The following FARS2 variants were observed in gnomAD, a reference collection of about 807,000 sequenced individuals.
FARS2 encodes phenylalanine--tRNA ligase, mitochondrial.
FARS2 carries 40 observed loss-of-function variants against 46.4 expected under a neutral mutation model. The ratio of observed to expected loss-of-function variants is 0.86; its 90% CI spans 0.67 to 1.12. FARS2 has a LOEUF of 1.12. Among genes scored for constraint, FARS2 ranks in the 50% most tolerant of loss-of-function variants. FARS2 has a pLI of 0.00. For missense variants in FARS2, 513 were observed against 567.9 expected (o/e 0.90, Z 0.98); for synonymous variants, 234 against 214.9 (o/e 1.09, Z -0.78).
At chr6:5,572,673 T>C (rs1358900493) in intron 5 of FARS2, among the ~76,000 whole-genome samples, 2 of 152,058 alleles carry the variant, frequency 1.3e-5, no homozygotes, top group East Asian at 3.9e-4. Context: ...CCATCTGACA[T>C]GAAATCCCCC....
At position 5,707,361 on chromosome 6, in the gene FARS2, T is replaced by G. The variant is rs114424003; in HGVS notation, c.1218-63930T>G. Reference sequence around the variant, plus strand: ...GGTACCAGGGCCTTTCACAAGCCGCTAAGCATCTGAAAACCTTGGTGCTAG... The same window carrying G: ...GGTACCAGGGCCTTTCACAAGCCGCGAAGCATCTGAAAACCTTGGTGCTAG... On this transcript the variant is annotated intron_variant, in intron 6 of 6. Coordinates refer to ENST00000274680, the MANE Select transcript of FARS2 (RefSeq NM_006567.5). Among the ~76,000 whole-genome samples, 275 of 152,348 alleles carry G rather than the reference T, an allele frequency of 1.8e-3. 2 individuals are homozygous for G. The highest frequency in any genetic ancestry group is 5.9e-3 in the African/African-American group (244 of 41,584).
At chr6:5,361,188 T>C (rs550326420) in intron 1 of FARS2, among the ~76,000 whole-genome samples, 1 of 152,330 alleles carries the variant, frequency 6.6e-6, no homozygotes, top group African/African-American at 2.4e-5. Context: ...GTACATACAA[T>C]TTTATATCCT....
intron 4 of FARS2, among the ~76,000 whole-genome samples, chr6:5,464,675 A>G (rs572786205): frequency 6.6e-6 from 1 of 152,254 alleles, no homozygotes; most frequent in East Asian, 1.9e-4. Context: ...GGGACCACAT[A>G]CAGTATTTTC....
intron 6 of FARS2, among the ~76,000 whole-genome samples, chr6:5,760,120 A>G (rs1265326849): frequency 1.3e-5 from 2 of 152,324 alleles, no homozygotes; most frequent in African/African-American, 4.8e-5. Context: ...TTGGAAATGT[A>G]TACAAATTTC....
chr6:5,708,923 C>T (rs181299976), intron 6 of FARS2, among the ~76,000 whole-genome samples: 6 of 152,242 alleles, frequency 3.9e-5, no homozygotes, highest in Non-Finnish European at 7.4e-5. Context: ...CTCAGCTTCC[C>T]AAATCAGAGA....
At chr6:5,749,892 G>A (rs546656441) in intron 6 of FARS2, among the ~76,000 whole-genome samples, 44 of 152,202 alleles carry the variant, frequency 2.9e-4, no homozygotes, top group Non-Finnish European at 5.4e-4. Context: ...CTGCCACGAA[G>A]GTGCTCCAGC....
At chr6:5,709,398 ATGGCTTTG>A (rs1758962409) in intron 6 of FARS2, among the ~76,000 whole-genome samples, 1 of 152,196 alleles carries the variant, frequency 6.6e-6, no homozygotes, top group Admixed American at 6.5e-5. Context: ...TCACTTGGTG[ATGGCTTTG>A]TGGTTCTTAC....
chr6:5,410,158 T>G (rs199653994), intron 3 of FARS2, among the ~76,000 whole-genome samples: 3 of 32,674 alleles, frequency 9.2e-5, no homozygotes, highest in African/African-American at 3.8e-4. Flanking sequence ...TGTTTTTTTG[T>G]TTTTTTTTTT....
At chr6:5,387,612 C>T (rs903077806) in intron 2 of FARS2, among the ~76,000 whole-genome samples, 23 of 152,286 alleles carry the variant, frequency 1.5e-4, no homozygotes, top group African/African-American at 4.8e-4. Flanking sequence ...GTTCTTGACT[C>T]GGCATGTGCT....
intron 4 of FARS2, among the ~76,000 whole-genome samples, chr6:5,490,051 T>C (rs1241686742): frequency 6.6e-6 from 1 of 152,214 alleles, no homozygotes; most frequent in African/African-American, 2.4e-5. Context: ...CCCTTTCGGT[T>C]GACCTTTCTC....
intron 6 of FARS2, among the ~76,000 whole-genome samples, chr6:5,717,014 C>G (rs752049387): frequency 4.6e-5 from 7 of 152,192 alleles, no homozygotes; most frequent in Non-Finnish European, 8.8e-5. Context: ...TACTAATAGA[C>G]TGAGTGGGGA....
At chr6:5,704,969 A>G (rs1758652530) in intron 6 of FARS2, among the ~76,000 whole-genome samples, 1 of 152,216 alleles carries the variant, frequency 6.6e-6, no homozygotes. Flanking sequence ...GCTTGTGTAC[A>G]TGTTGATGTG....
intron 5 of FARS2, among the ~76,000 whole-genome samples, chr6:5,602,821 T>C (rs1774612650): frequency 6.6e-6 from 1 of 152,132 alleles, no homozygotes; most frequent in Non-Finnish European, 1.5e-5. Flanking sequence ...TCAGTCCCTT[T>C]TGGCACGCTT....
At chr6:5,401,669 A>G (rs1299753166) in intron 2 of FARS2, among the ~76,000 whole-genome samples, 3 of 150,612 alleles carry the variant, frequency 2.0e-5, no homozygotes, top group Admixed American at 1.3e-4. Flanking sequence ...TGACATTCCT[A>G]TGCTCTTGTG....
At chr6:5,550,603 T>C (rs1771315392) in intron 5 of FARS2, among the ~76,000 whole-genome samples, 1 of 152,162 alleles carries the variant, frequency 6.6e-6, no homozygotes, top group Admixed American at 6.5e-5. Context: ...TATATGCAGG[T>C]GAGTTGTTTT....
intron 4 of FARS2, among the ~76,000 whole-genome samples, chr6:5,517,473 T>C (rs1352169731): frequency 2.6e-5 from 4 of 151,884 alleles, no homozygotes; most frequent in African/African-American, 7.3e-5. Context: ...ATTAGCCTTG[T>C]GTGGTGGCAC....
At chr6:5,496,935 C>T (rs1220721200) in intron 4 of FARS2, among the ~76,000 whole-genome samples, 1 of 152,124 alleles carries the variant, frequency 6.6e-6, no homozygotes, top group East Asian at 1.9e-4. Context: ...CCTCCCACCT[C>T]AGCCTCCTGA....
At chr6:5,276,333 G>A (rs1766332489) in intron 1 of FARS2, among the ~76,000 whole-genome samples, 2 of 152,256 alleles carry the variant, frequency 1.3e-5, no homozygotes, top group South Asian at 4.1e-4. Context: ...TGTATCATAG[G>A]TTTTTTCACA....
intron 5 of FARS2, among the ~76,000 whole-genome samples, chr6:5,593,042 T>C (rs1298058387): frequency 2.0e-5 from 3 of 152,096 alleles, no homozygotes; most frequent in African/African-American, 7.2e-5. Context: ...CCTCCTCCCA[T>C]CTCTGCTTTC....
Sources: gnomAD v4.1 joint callset for allele counts (sites outside exome capture counted in the v4.1 genomes callset) on GRCh38, gnomAD v4.1.1 for gene constraint, MANE v1.5 for transcripts, NCBI Gene and HGNC (gene_info 2026-07-23, HGNC 2026-07-21) for gene names.